The following FGF2 variants were observed in gnomAD, a reference collection of about 807,000 sequenced individuals.
FGF2 encodes the protein basic fibroblast growth factor bFGF.
FGF2 carries 13 observed loss-of-function variants against 15.9 expected under a neutral mutation model. The ratio of observed to expected loss-of-function variants is 0.82; its 90% CI spans 0.53 to 1.30. The LOEUF (loss-of-function observed/expected upper bound fraction) is 1.30, where lower values mean the gene tolerates loss of function less well. Ranked by LOEUF, FGF2 falls within the 50% of genes most tolerant of loss-of-function variation. FGF2 has a pLI of 0.00. For missense variants in FGF2, 163 were observed against 196.9 expected (o/e 0.83, Z 1.03); for synonymous variants, 90 against 78.4 (o/e 1.15, Z -0.78).
Position 122,893,286 on chromosome 4 carries a change from A to G in FGF2, c.*890A>G. On this transcript the variant is annotated 3_prime_UTR_variant, in exon 3 of 3. Coordinates refer to ENST00000644866, the MANE Select transcript of FGF2 (RefSeq NM_001361665.2). ...TTACACTTTTAGAAACTGTATCATC[A>G]AAGATTTTCAGTTAAAGTAGCATTA... 6.8e-7 allele frequency: 1 copy of G among 1,469,534 alleles called. No individual in the cohort carries two copies. Among genetic ancestry groups the G allele is most frequent in the East Asian group, 2.3e-5 (1 of 43,670 alleles). 91.0% of individuals were successfully genotyped at this position (1,469,534 alleles called of 1,614,324 possible).
At chr4:122,828,238 T>C (rs574521212) in intron 1 of FGF2, among the ~76,000 whole-genome samples, 7 of 152,264 alleles carry the variant, frequency 4.6e-5, no homozygotes, top group African/African-American at 1.7e-4. Flanking sequence ...GCTGAAGATT[T>C]GCATTTCTAA....
intron 1 of FGF2, among the ~76,000 whole-genome samples, chr4:122,831,438 T>C (rs308410): frequency 0.076 from 11,605 of 152,190 alleles, 814 homozygotes; most frequent in South Asian, 0.2. Flanking sequence ...TTGGGGTAAA[T>C]AGAACCATTG....
intron 1 of FGF2, among the ~76,000 whole-genome samples, chr4:122,830,317 G>A (rs1237162861): frequency 1.3e-5 from 2 of 152,138 alleles, no homozygotes; most frequent in African/African-American, 4.8e-5. Context: ...GAGGCAGAGT[G>A]GGAAGCTGTG....
At chr4:122,881,534 C>CCAAT (rs1578477924) in intron 2 of FGF2, among the ~76,000 whole-genome samples, 1 of 152,180 alleles carries the variant, frequency 6.6e-6, no homozygotes, top group African/African-American at 2.4e-5. Flanking sequence ...CAAAATGCCA[C>CCAAT]CAGTCTCTTT....
chr4:122,873,516 C>T (rs529844150), intron 1 of FGF2, among the ~76,000 whole-genome samples: 1 of 152,288 alleles, frequency 6.6e-6, no homozygotes, highest in African/African-American at 2.4e-5. Context: ...ATAAAAGTTT[C>T]TTAAAAATTC....
Position 122,893,140 on chromosome 4 carries a change from T to A in FGF2, c.*744T>A. 6.2e-7 allele frequency: 1 copy of A among 1,614,208 alleles called. No homozygotes were observed. On this transcript the variant is annotated 3_prime_UTR_variant, in exon 3 of 3. Coordinates refer to ENST00000644866, the MANE Select transcript of FGF2 (RefSeq NM_001361665.2). The stretch of plus-strand genomic sequence containing the variant: ...CTGACTTCCCAAAAGCTCCAGGATT[T>A]GTGTGCTGTTGCCGAATACTCAGGA...
chr4:122,853,333 T>C (rs898876726), intron 1 of FGF2, among the ~76,000 whole-genome samples: 10 of 152,248 alleles, frequency 6.6e-5, no homozygotes, highest in Middle Eastern at 6.8e-3. Context: ...ATAAAAACTA[T>C]TTTTTACTAT....
At chr4:122,850,281 A>G (rs986557060) in intron 1 of FGF2, among the ~76,000 whole-genome samples, 2 of 152,114 alleles carry the variant, frequency 1.3e-5, no homozygotes, top group Non-Finnish European at 1.5e-5. Context: ...AAGAAAAAAA[A>G]AAGATACAGT....
intron 1 of FGF2, among the ~76,000 whole-genome samples, chr4:122,851,818 G>A (rs527392967): frequency 3.9e-4 from 59 of 152,218 alleles, no homozygotes; most frequent in African/African-American, 1.4e-3. Flanking sequence ...CATATGTGCA[G>A]GTAACAGGTA....
intron 2 of FGF2, chr4:122,882,624 A>G (rs1458020495): frequency 6.6e-6 from 1 of 152,234 alleles, no homozygotes; most frequent in Non-Finnish European, 1.5e-5. Context: ...TAATTTACCA[A>G]TGCTTAGAAA....
intron 1 of FGF2, among the ~76,000 whole-genome samples, chr4:122,861,788 A>G (rs1345483974): frequency 2.0e-5 from 3 of 152,140 alleles, no homozygotes; most frequent in East Asian, 3.9e-4. Context: ...ACTCCATGCT[A>G]CCTAATTGCT....
intron 2 of FGF2, among the ~76,000 whole-genome samples, chr4:122,886,325 C>G (rs1727059308): frequency 6.6e-6 from 1 of 152,132 alleles, no homozygotes; most frequent in South Asian, 2.1e-4. Context: ...ATCTTCATGA[C>G]TGATAACTCA....
chr4:122,844,561 CTTTCTTTCTT>C (rs1401934491), intron 1 of FGF2, among the ~76,000 whole-genome samples: 45 of 144,910 alleles, frequency 3.1e-4, no homozygotes, highest in African/African-American at 1.2e-3. Context: ...TTCTCTTTTT[CTTTCTTTCTT>C]TTTCTTTCTT....
intron 1 of FGF2, among the ~76,000 whole-genome samples, chr4:122,871,721 T>A: frequency 7.4e-6 from 1 of 135,540 alleles, no homozygotes; most frequent in African/African-American, 2.9e-5. Flanking sequence ...GAATAGGGCC[T>A]AAAGTGAACC....
intron 1 of FGF2, among the ~76,000 whole-genome samples, chr4:122,857,242 C>A (rs1726361232): frequency 6.6e-6 from 1 of 152,194 alleles, no homozygotes; most frequent in Non-Finnish European, 1.5e-5. Context: ...CTCAGATAGT[C>A]AGATAATGTC....
chr4:122,863,721 AAT>A (rs1726518050), intron 1 of FGF2, among the ~76,000 whole-genome samples: 1 of 152,166 alleles, frequency 6.6e-6, no homozygotes, highest in Non-Finnish European at 1.5e-5. Flanking sequence ...TTTTTCTAAA[AAT>A]ATATATGTTT....
intron 2 of FGF2, among the ~76,000 whole-genome samples, chr4:122,880,822 T>C (rs985007424): frequency 3.3e-5 from 5 of 152,154 alleles, no homozygotes; most frequent in African/African-American, 7.2e-5. Flanking sequence ...GGTGCTGCAA[T>C]AGGGACTCTG....
chr4:122,893,598 T>C lies in FGF2; in HGVS notation c.*1202T>C, dbSNP rs1276393461. On this transcript the variant is annotated 3_prime_UTR_variant, in exon 3 of 3. Coordinates refer to ENST00000644866, the MANE Select transcript of FGF2 (RefSeq NM_001361665.2). ...AGTTCCTTTGTTTCTTGAGATAAGA[T>C]TCCAAAGAACTTAGATTCATTTCTT... is the stretch of plus-strand genomic sequence containing the variant. 6.2e-6 allele frequency: 1 copy of C among 162,180 alleles called. No individual in the cohort carries two copies. The highest frequency in any genetic ancestry group is 6.4e-5 in the Admixed American group (1 of 15,638). The allele number at this position is 162,180 out of a possible 1,614,324, so 10.0% of individuals were successfully genotyped here. A position where few individuals can be genotyped will look rare whatever the true frequency, so the allele number is the denominator to read the frequency against.
At chr4:122,826,731 T>C (rs1423547556), upstream of FGF2, 2 of 1,248,524 alleles carry the variant, frequency 1.6e-6, no homozygotes, top group Non-Finnish European at 2.0e-6. Context: ...CCCGAGCGAG[T>C]AGGGGGCGGC....
Sources: allele counts gnomAD v4.1 joint callset (sites outside exome capture counted in the v4.1 genomes callset), GRCh38; gene constraint gnomAD v4.1.1; transcripts MANE v1.5; gene names NCBI Gene and HGNC (gene_info 2026-07-23, HGNC 2026-07-21).